Variants in SORCS1 observed in about 807,000 individuals in gnomAD.
SORCS1 encodes VPS10 domain-containing receptor SorCS1.
In SORCS1, 60 loss-of-function variants were observed where a neutral mutation model predicts 146.1. That is an observed-to-expected ratio of 0.41 (90% CI 0.33 to 0.51). The LOEUF (loss-of-function observed/expected upper bound fraction) is 0.51, where lower values mean the gene tolerates loss of function less well. Ranked by LOEUF, SORCS1 falls within the 20% of genes least tolerant of loss-of-function variation. SORCS1 has a pLI of 0.21. For missense variants in SORCS1, 1,352 were observed against 1,487.6 expected (o/e 0.91, Z 1.50); for synonymous variants, 637 against 584.0 (o/e 1.09, Z -1.31).
chr10:106,934,100 C>CAAAAAAA (rs57432764), intron 2 of SORCS1, among the ~76,000 whole-genome samples: 181 of 96,842 alleles, frequency 1.9e-3, no homozygotes, highest in Non-Finnish European at 2.3e-3. Context: ...TCTCAAAAAA[C>CAAAAAAA]AAAAAAAAAA....
At chr10:107,086,585 T>C (rs896961450) in intron 1 of SORCS1, among the ~76,000 whole-genome samples, 1 of 152,264 alleles carries the variant, frequency 6.6e-6, no homozygotes. Flanking sequence ...TAGGCACATC[T>C]GAATTATCTC....
At chr10:107,178,485 T>TA in the SORCS1 span, among the ~76,000 whole-genome samples, 1 of 149,374 alleles carries the variant, frequency 6.7e-6, no homozygotes, top group Non-Finnish European at 1.5e-5. Context: ...TTAAAATTAT[T>TA]TTATATATAT....
chr10:106,948,970 A>G (rs559326347), intron 2 of SORCS1, among the ~76,000 whole-genome samples: 131 of 152,264 alleles, frequency 8.6e-4, no homozygotes, highest in African/African-American at 3.0e-3. Context: ...CCAAAAAAAA[A>G]AAGAATTTTA....
intron 16 of SORCS1, 47 bp from the exon 17 acceptor site, chr10:106,667,849 A>T (rs751309327): frequency 1.4e-6 from 2 of 1,405,058 alleles, no homozygotes; most frequent in Non-Finnish European, 2.0e-6. Context: ...TGGCAAAATT[A>T]CTGAAAACAA....
At position 107,067,907 on chromosome 10, in the gene SORCS1, C is replaced by G. The variant is rs17122028; in HGVS notation, c.558+96062G>C. Among the ~76,000 whole-genome samples the G allele has an allele frequency of 7.3e-3, 1,112 of 152,258 alleles. 11 individuals carry two copies. Among genetic ancestry groups the G allele is most frequent in the African/African-American group, 0.026 (1,060 of 41,532 alleles). On this transcript the variant is annotated intron_variant, in intron 1 of 25. Transcript: ENST00000263054. Reference sequence around the variant, plus strand: ...GCCTGGCACATTAAGAGTGCTATCTCAAGTGTTAACATTAAGGATGATGAT... The same window carrying G: ...GCCTGGCACATTAAGAGTGCTATCTGAAGTGTTAACATTAAGGATGATGAT...
At position 107,112,711 on chromosome 10, in the gene SORCS1, C is replaced by G. The variant is rs1463778200; in HGVS notation, c.558+51258G>C. The stretch of plus-strand genomic sequence containing the variant: ...AAAGGTATTCTATGAAAAATGGCAA[C>G]CAAAAGAGAGCATGGGTGGCTATAC... On this transcript the variant is annotated intron_variant, in intron 1 of 25. Coordinates refer to ENST00000263054, the MANE Select transcript of SORCS1 (RefSeq NM_052918.5). 2.0e-5 allele frequency among the ~76,000 whole-genome samples: 3 copies of G among 152,026 alleles called. No individual in the cohort carries two copies. In the South Asian group the frequency reaches 6.2e-4, roughly 32 times the overall value.
chr10:106,738,102 C>A (rs1043709173), intron 5 of SORCS1, among the ~76,000 whole-genome samples: 2 of 152,038 alleles, frequency 1.3e-5, no homozygotes. Context: ...AAAAAATATA[C>A]ATAAATGGGG....
At chr10:106,822,367 C>T (rs11193063) in intron 3 of SORCS1, among the ~76,000 whole-genome samples, 91 of 152,230 alleles carry the variant, frequency 6.0e-4, no homozygotes, top group South Asian at 1.2e-3. Context: ...AAAGAGCCCA[C>T]GAGTTCCAGA....
upstream of SORCS1, among the ~76,000 whole-genome samples, chr10:107,167,769 A>C (rs1435293342): frequency 5.3e-5 from 8 of 151,972 alleles, no homozygotes; most frequent in African/African-American, 1.9e-4. Flanking sequence ...ATACAGTTTT[A>C]TATACAATAT....
chr10:106,924,179 G>A (rs961768235), intron 2 of SORCS1, among the ~76,000 whole-genome samples: 2 of 151,798 alleles, frequency 1.3e-5, no homozygotes, highest in Non-Finnish European at 2.9e-5. Flanking sequence ...GCTTGAACCC[G>A]GGAGGTGGAG....
chr10:106,810,980 G>T (rs150424017), intron 3 of SORCS1, among the ~76,000 whole-genome samples: 83 of 149,480 alleles, frequency 5.6e-4, no homozygotes, highest in Middle Eastern at 6.9e-3. Flanking sequence ...TCACTCTGTC[G>T]CCCAGGCTGG....
intron 2 of SORCS1, among the ~76,000 whole-genome samples, chr10:106,951,599 C>A (rs1446381828): frequency 6.6e-6 from 1 of 151,388 alleles, no homozygotes; most frequent in Non-Finnish European, 1.5e-5. Flanking sequence ...CCTCACTGGA[C>A]CAGATCATTC....
At chr10:107,064,420 C>G (rs1271743161) in intron 1 of SORCS1, among the ~76,000 whole-genome samples, 2 of 152,156 alleles carry the variant, frequency 1.3e-5, no homozygotes, top group Non-Finnish European at 2.9e-5. Context: ...AAAAGCAAAT[C>G]CACTCTAGCT....
rs1848294711 is a variant in SORCS1, at chr10:106,629,333, G to C, written c.2531C>G (p.Ser844Cys). Residue 844 changes from serine (S) to cysteine (C), a missense_variant, in exon 19 of 26, where the codon TCT (serine) becomes TGT (cysteine). By Grantham distance (112) the Ser-to-Cys change is moderately radical. Coordinates refer to ENST00000263054, the MANE Select transcript of SORCS1 (RefSeq NM_052918.5). ...TTCCATGGAGCTGAGATTGACGTAA[G>C]ACACCGCGATACCATCGCCAAAGTC... ...QVDFGDGIAV[S>C]YVNLSSMEDG... The C allele has an allele frequency of 2.5e-6, 4 of 1,614,072 alleles. No individual in the cohort carries two copies. Among genetic ancestry groups the C allele is most frequent in the African/African-American group, 1.3e-5 (1 of 74,934 alleles).
At chr10:106,924,354 G>C (rs183009232) in intron 2 of SORCS1, among the ~76,000 whole-genome samples, 1 of 151,998 alleles carries the variant, frequency 6.6e-6, no homozygotes, top group East Asian at 1.9e-4. Flanking sequence ...TGATTGAAAG[G>C]AACATTTTAT....
At chr10:106,694,715 C>T (rs1005126573) in intron 9 of SORCS1, among the ~76,000 whole-genome samples, 12 of 152,158 alleles carry the variant, frequency 7.9e-5, no homozygotes, top group Non-Finnish European at 1.8e-4. Flanking sequence ...GTACTCATAA[C>T]GTACAGAAGA....
chr10:106,787,171 T>G (rs1946095838), intron 3 of SORCS1, among the ~76,000 whole-genome samples: 1 of 152,224 alleles, frequency 6.6e-6, no homozygotes, highest in Non-Finnish European at 1.5e-5. Flanking sequence ...TCTGATATCA[T>G]GAAATATGGG....
At chr10:106,616,489 G>C (rs1847370818) in intron 21 of SORCS1, among the ~76,000 whole-genome samples, 1 of 152,138 alleles carries the variant, frequency 6.6e-6, no homozygotes. Flanking sequence ...CTTTACACTA[G>C]GGTTGTTATG....
chr10:107,037,103 G>A (rs559997882), intron 1 of SORCS1, among the ~76,000 whole-genome samples: 15 of 152,220 alleles, frequency 9.9e-5, no homozygotes, highest in African/African-American at 2.9e-4. Context: ...AAAATTAGCT[G>A]GGCGCGGTGG....
Sources: allele counts gnomAD v4.1 joint callset (sites outside exome capture counted in the v4.1 genomes callset), GRCh38; gene constraint gnomAD v4.1.1; transcripts MANE v1.5; gene names NCBI Gene and HGNC (gene_info 2026-07-23, HGNC 2026-07-21).